The following ATP10B variants were observed in gnomAD, a reference collection of about 807,000 sequenced individuals.
ATP10B encodes the protein phospholipid-transporting ATPase VB.
Under a neutral mutation model 141.2 loss-of-function variants are expected in ATP10B, and 122 were observed. That is an observed-to-expected ratio of 0.86 (90% CI 0.75 to 1.00). The LOEUF is 1.00. Ranked by LOEUF, ATP10B falls within the 50% of genes least tolerant of loss-of-function variation. ATP10B has a pLI of 0.00. For synonymous variants in ATP10B, 685 were observed against 692.0 expected, an observed-to-expected ratio of 0.99 and a Z score of 0.16; for missense variants, 1,876 against 1,825.3, an observed-to-expected ratio of 1.03 and a Z score of -0.51.
chr5:160,611,326 G>A (rs1757709800), intron 18 of ATP10B, among the ~76,000 whole-genome samples: 1 of 152,168 alleles, frequency 6.6e-6, no homozygotes, highest in Non-Finnish European at 1.5e-5. Context: ...CCCTCTGGCT[G>A]GCTGCCTCAC....
chr5:160,860,017 C>G, the ATP10B span, among the ~76,000 whole-genome samples: 2 of 151,792 alleles, frequency 1.3e-5, no homozygotes. Flanking sequence ...ATGTATATTA[C>G]TCTTTTTATT....
chr5:160,584,019 C>A (rs758016871), intron 24 of ATP10B, among the ~76,000 whole-genome samples: 4 of 152,124 alleles, frequency 2.6e-5, no homozygotes, highest in Non-Finnish European at 5.9e-5. Context: ...GCTTCAGCCC[C>A]CTTTCCAGGG....
At chr5:160,683,833 G>T (rs926499046) in intron 6 of ATP10B, among the ~76,000 whole-genome samples, 4 of 152,168 alleles carry the variant, frequency 2.6e-5, no homozygotes, top group Non-Finnish European at 4.4e-5. Context: ...CTTCTTTTAG[G>T]ACTATGTGGG....
chr5:160,858,430 T>C, the ATP10B span, among the ~76,000 whole-genome samples: 1 of 151,994 alleles, frequency 6.6e-6, no homozygotes, highest in African/African-American at 2.4e-5. Context: ...ATCTTTTTTT[T>C]AAAATAAATT....
At chr5:160,924,571 A>G in the ATP10B span, among the ~76,000 whole-genome samples, 2 of 152,218 alleles carry the variant, frequency 1.3e-5, no homozygotes, top group Non-Finnish European at 2.9e-5. Context: ...GTCATGGTGC[A>G]GTGATCGTGT....
chr5:160,620,026 G>T (rs970576069), intron 15 of ATP10B, among the ~76,000 whole-genome samples: 3 of 152,210 alleles, frequency 2.0e-5, no homozygotes, highest in Non-Finnish European at 4.4e-5. Flanking sequence ...TAAGATAATG[G>T]ATGTTCTAGT....
chr5:160,819,762 T>G (rs1773958914), intron 1 of ATP10B, among the ~76,000 whole-genome samples: 2 of 152,116 alleles, frequency 1.3e-5, no homozygotes, highest in Non-Finnish European at 1.5e-5. Context: ...GTTATCAGCT[T>G]AAGATAATGG....
At chr5:160,745,707 A>G (rs910728712) in intron 2 of ATP10B, among the ~76,000 whole-genome samples, 9 of 152,320 alleles carry the variant, frequency 5.9e-5, no homozygotes, top group African/African-American at 1.9e-4. Flanking sequence ...TGACACATAC[A>G]AGCTCTGTGA....
chr5:160,819,083 G>T (rs774670464), intron 1 of ATP10B, among the ~76,000 whole-genome samples: 3 of 152,066 alleles, frequency 2.0e-5, no homozygotes, highest in Non-Finnish European at 4.4e-5. Context: ...CACCAACATG[G>T]CACGTGTATA....
intron 13 of ATP10B, 130 bp downstream of exon 13, chr5:160,631,999 G>T: frequency 8.0e-6 from 6 of 748,606 alleles, no homozygotes; most frequent in Non-Finnish European, 1.3e-5. Context: ...TGTGGAGTAT[G>T]TACAAAACCA....
At chr5:160,824,690 G>A (rs1205538746) in intron 1 of ATP10B, among the ~76,000 whole-genome samples, 1 of 150,530 alleles carries the variant, frequency 6.6e-6, no homozygotes, top group Non-Finnish European at 1.5e-5. Context: ...TAATGGTTAA[G>A]TGTTTGTATA....
chr5:160,606,659 A>C, intron 19 of ATP10B, 106 bp downstream of exon 19: 1 of 1,132,724 alleles, frequency 8.8e-7, no homozygotes, highest in Middle Eastern at 2.4e-4. Context: ...ACAATGACTC[A>C]CAGCCTAAGC....
intron 17 of ATP10B, among the ~76,000 whole-genome samples, chr5:160,615,108 T>G (rs548790830): frequency 6.6e-6 from 1 of 152,330 alleles, no homozygotes; most frequent in African/African-American, 2.4e-5. Flanking sequence ...GCAGTTTTTG[T>G]AAAGCACAGA....
Position 160,589,604 on chromosome 5 carries a change from T to C in ATP10B, c.3738A>G (p.Glu1246=). Residue 1246 remains glutamate (E), a synonymous_variant, in exon 24 of 26, where the codon GAA becomes GAG. Coordinates refer to ENST00000327245, the MANE Select transcript of ATP10B (RefSeq NM_025153.3). ...LTTILLHQAM[E]MKTWTIFHGV... is the part of the protein sequence containing the mutation. ...CTGGGACACTTACCCATGTCTTCAT[T>C]TCCATTGCCTGGTGCAAAAGGATTG... 2 of 1,613,836 alleles carry C rather than the reference T, an allele frequency of 1.2e-6. No homozygotes were observed. The highest frequency in any genetic ancestry group is 1.7e-6 in the Non-Finnish European group (2 of 1,179,832).
At chr5:160,584,388 T>G (rs1364671952) in intron 24 of ATP10B, among the ~76,000 whole-genome samples, 1 of 152,184 alleles carries the variant, frequency 6.6e-6, no homozygotes, top group Non-Finnish European at 1.5e-5. Flanking sequence ...CCCAGTGAGA[T>G]GAGCTGGGTA....
chr5:160,715,621 G>A (rs529885810), intron 3 of ATP10B, among the ~76,000 whole-genome samples: 4 of 151,948 alleles, frequency 2.6e-5, no homozygotes, highest in Admixed American at 1.3e-4. Flanking sequence ...GTTCCTATTC[G>A]GCCATCTTGG....
chr5:160,820,593 G>A (rs1455884475), intron 1 of ATP10B, among the ~76,000 whole-genome samples: 2 of 151,882 alleles, frequency 1.3e-5, no homozygotes, highest in South Asian at 2.1e-4. Context: ...AGCAAAAGAA[G>A]AAAATTACAG....
At chr5:160,717,682 G>A (rs1328328687) in intron 2 of ATP10B, among the ~76,000 whole-genome samples, 4 of 152,182 alleles carry the variant, frequency 2.6e-5, no homozygotes, top group Admixed American at 2.6e-4. Context: ...TATTACAGAA[G>A]AGGAAACTAG....
At position 160,615,852 on chromosome 5, in the gene ATP10B, T is replaced by C; in HGVS notation, c.2639A>G (p.Gln880Arg). 6.2e-7 allele frequency: 1 copy of C among 1,611,798 alleles called. No homozygotes were observed. The highest frequency in any genetic ancestry group is 8.5e-7 in the Non-Finnish European group (1 of 1,178,082). The change falls in exon 17 of 26, where the codon CAA becomes CGA. Residue 880 changes from glutamine (Q) to arginine (R), a missense_variant. Coordinates refer to ENST00000327245, the MANE Select transcript of ATP10B (RefSeq NM_025153.3). The part of the protein sequence containing the change: ...LMETAQHLEN[Q>R]LTLLGATGIE... ...TTTTTAGCTACCAAGTAAGGTGAGT[T>C]GATTCTCCAGATGCTGTGCAGTTTC...
Sources: gnomAD v4.1 joint callset for allele counts (sites outside exome capture counted in the v4.1 genomes callset) on GRCh38, gnomAD v4.1.1 for gene constraint, MANE v1.5 for transcripts, NCBI Gene and HGNC (gene_info 2026-07-23, HGNC 2026-07-21) for gene names.